ATP1A1: variants seen among roughly 807,000 people sequenced by gnomAD.
ATP1A1 encodes sodium/potassium-transporting ATPase subunit alpha-1.
In ATP1A1, 14 loss-of-function variants were observed where a neutral mutation model predicts 114.8. That is an observed-to-expected ratio of 0.12 (90% CI 0.08 to 0.19). ATP1A1 has a LOEUF of 0.19. ATP1A1 is among the 10% of genes least tolerant of loss of function. The probability of loss-of-function intolerance (pLI) is 1.00; values close to 1 mark genes in which losing one functional copy is unlikely to be tolerated. For missense variants in ATP1A1, 524 were observed against 1,290.7 expected (o/e 0.41, Z 9.10); for synonymous variants, 471 against 466.3 (o/e 1.01, Z -0.13).
chr1:116,373,591 G>T, intron 1 of ATP1A1, 68 bp downstream of exon 1: 1 of 1,335,862 alleles, frequency 7.5e-7, no homozygotes, highest in South Asian at 1.8e-5. Context: ...GAAGTCGGGA[G>T]GGCGACCGCG....
Position 116,404,347 on chromosome 1 carries a change from T to C in ATP1A1, c.3044-69T>C. 6.2e-7 allele frequency: 1 copy of C among 1,602,544 alleles called. No homozygotes were observed. The highest frequency in any genetic ancestry group is 8.5e-7 in the Non-Finnish European group (1 of 1,170,828). ...CCTCCGGTTGGTTTTCATCCCTGTT[T>C]CCCTCTGTAATGCTGGAGCGAGGAA... is the stretch of plus-strand genomic sequence containing the variant. On this transcript the variant is annotated intron_variant, in intron 22 of 22. Coordinates refer to ENST00000295598, the MANE Select transcript of ATP1A1 (RefSeq NM_000701.8). The surrounding 1 kb of genome is among the most constrained non-coding windows in gnomAD (Gnocchi z 4.8).
At chr1:116,378,787 A>C (rs1321473133) in intron 1 of ATP1A1, among the ~76,000 whole-genome samples, 1 of 152,156 alleles carries the variant, frequency 6.6e-6, no homozygotes, top group Non-Finnish European at 1.5e-5. Context: ...CTGGGAGTTG[A>C]TCTGGTCCTC....
At chr1:116,379,463 G>T (rs564699067) in intron 1 of ATP1A1, among the ~76,000 whole-genome samples, 1 of 152,258 alleles carries the variant, frequency 6.6e-6, no homozygotes, top group East Asian at 1.9e-4. Context: ...CCTCAACCCC[G>T]GCCATCCCTT....
rs1217693573 is a variant in ATP1A1 at position 116,388,562 on chromosome 1, A to G, written c.502-76A>G. On this transcript the variant is annotated intron_variant, in intron 5 of 22. Transcript: ENST00000295598. The surrounding 1 kb of genome is among the most constrained non-coding windows in gnomAD (Gnocchi z 5.6). Reference sequence around the variant, plus strand: ...TATTCAGGTAATTAGGATTATGACTATTTTTATTTTCTTGTTTTGGACACT... The same window carrying G: ...TATTCAGGTAATTAGGATTATGACTGTTTTTATTTTCTTGTTTTGGACACT... The G allele has an allele frequency of 1.3e-6, 2 of 1,504,254 alleles. No individual in the cohort carries two copies. Among genetic ancestry groups the G allele is most frequent in the East Asian group, 4.5e-5 (2 of 44,114 alleles). The allele number at this position is 1,504,254 out of a possible 1,614,324, so 93.2% of individuals were successfully genotyped here.
intron 1 of ATP1A1, chr1:116,373,855 G>A (rs1271650152): frequency 1.7e-5 from 21 of 1,259,828 alleles, no homozygotes; most frequent in Non-Finnish European, 2.0e-5. Flanking sequence ...GGGCCGGGAG[G>A]AGGGGGCTTG....
chr1:116,392,325 G>C (rs1249398561), intron 10 of ATP1A1: 2 of 152,316 alleles, frequency 1.3e-5, no homozygotes, highest in Non-Finnish European at 2.9e-5. Context: ...ATTTTGCACA[G>C]TTATGATTAG....
intron 14 of ATP1A1, 116 bp downstream of exon 14, chr1:116,396,850 T>G (rs1652971646): frequency 7.8e-7 from 1 of 1,284,494 alleles, no homozygotes; most frequent in South Asian, 2.0e-5. Context: ...GTAGGAAATG[T>G]ACCTGCACTG....
In ATP1A1 at chr1:116,389,104, T is replaced by G; in HGVS notation, c.754+85T>G. On this transcript the variant is annotated intron_variant, in intron 7 of 22. Transcript: ENST00000295598. The surrounding 1 kb of genome is among the most constrained non-coding windows in gnomAD (Gnocchi z 6.9). ...TCAAAACCATAGGCACAATCTCTTG[T>G]TTTATTGGCTCCATTTCTGAGAACT... The G allele has an allele frequency of 8.1e-7, 1 of 1,236,742 alleles. No individual in the cohort carries two copies. The highest frequency in any genetic ancestry group is 1.3e-5 in the South Asian group (1 of 77,580). The allele number at this position is 1,236,742 out of a possible 1,614,324, so 76.6% of individuals were successfully genotyped here.
intron 10 of ATP1A1, 115 bp from the exon 11 acceptor site, chr1:116,392,739 T>A: frequency 7.7e-7 from 1 of 1,304,708 alleles, no homozygotes; most frequent in Non-Finnish European, 1.0e-6. Flanking sequence ...TTCTTGCCCA[T>A]CCTCTGCTAC....
Position 116,388,489 on chromosome 1 carries a change from G to A in ATP1A1, c.502-149G>A. The A allele has an allele frequency of 8.3e-7, 1 of 1,204,198 alleles. No individual in the cohort carries two copies. Among genetic ancestry groups the A allele is most frequent in the Non-Finnish European group, 1.1e-6 (1 of 876,494 alleles). 74.6% of individuals were successfully genotyped at this position (1,204,198 alleles called of 1,614,324 possible). A position where few individuals can be genotyped will look rare whatever the true frequency, so the allele number is the denominator to read the frequency against. The stretch of plus-strand genomic sequence containing the variant: ...CAATATCTCTTAAACTGGCGAGCAA[G>A]CTTTTGTAACTTGTGTAAATAAAAA... On this transcript the variant is annotated intron_variant, in intron 5 of 22. Coordinates refer to ENST00000295598, the MANE Select transcript of ATP1A1 (RefSeq NM_000701.8). The surrounding 1 kb of genome is among the most constrained non-coding windows in gnomAD (Gnocchi z 5.6).
Position 116,404,607 on chromosome 1 carries a change from A to G in ATP1A1, c.*163A>G, listed in dbSNP as rs1028740691. ...GTCCTGGAATGAAGCATGTAGCTCT[A>G]TGGGGGGAGGGGGGAGGGCTGCCTG... On this transcript the variant is annotated 3_prime_UTR_variant, in exon 23 of 23. Coordinates refer to ENST00000295598, the MANE Select transcript of ATP1A1 (RefSeq NM_000701.8). This position sits in a 1 kb window ranked among gnomAD's most constrained non-coding sequence, Gnocchi z 4.8. 1.3e-5 allele frequency: 10 copies of G among 779,894 alleles called. No homozygotes were observed. Among genetic ancestry groups the G allele is most frequent in the South Asian group, 2.9e-5 (1 of 34,558 alleles). 48.3% of individuals were successfully genotyped at this position (779,894 alleles called of 1,614,324 possible).
chr1:116,404,352 CTG>C lies in ATP1A1; in HGVS notation c.3044-62_3044-61del. 6.2e-7 allele frequency: 1 copy of C among 1,605,804 alleles called. No individual in the cohort carries two copies. Among genetic ancestry groups the C allele is most frequent in the Non-Finnish European group, 8.5e-7 (1 of 1,173,554 alleles). ...GGTTGGTTTTCATCCCTGTTTCCCT[CTG>C]TAATGCTGGAGCGAGGAAGACTCAC... is the stretch of plus-strand genomic sequence containing the variant. On this transcript the variant is annotated intron_variant, in intron 22 of 22. Transcript: ENST00000295598. The surrounding 1 kb of genome is among the most constrained non-coding windows in gnomAD (Gnocchi z 4.8).
In ATP1A1 at chr1:116,393,686, C is replaced by T. The variant is rs750283399; in HGVS notation, c.1623C>T (p.Ala541=). ...AGCTGAAAGACGCCTTTCAGAACGCCTATTTGGAGCTGGGGGGCCTCGGAG... is the reference window on the plus strand; with the variant it reads ...AGCTGAAAGACGCCTTTCAGAACGCTTATTTGGAGCTGGGGGGCCTCGGAG... ...DEELKDAFQN[A]YLELGGLGER... Residue 541 remains alanine (A), a synonymous_variant, in exon 12 of 23, where the codon GCC becomes GCT. Transcript: ENST00000295598. The surrounding 1 kb of genome is among the most constrained non-coding windows in gnomAD (Gnocchi z 5.0). The T allele has an allele frequency of 3.1e-6, 5 of 1,613,794 alleles. No homozygotes were observed. The African/African-American group carries it at 6.7e-5, about 22-fold the overall frequency.
rs1474746003 is a variant in ATP1A1, at chr1:116,384,953, C to T, written c.183+111C>T. On this transcript the variant is annotated intron_variant, in intron 3 of 22. Coordinates refer to ENST00000295598, the MANE Select transcript of ATP1A1 (RefSeq NM_000701.8). This position sits in a 1 kb window ranked among gnomAD's most constrained non-coding sequence, Gnocchi z 5.1. ...GGGGCTCTAGTAAGAAAATGACAGA[C>T]ACCATCTGCGTATCTACCATGTGAC... The T allele has an allele frequency of 2.9e-6, 3 of 1,043,444 alleles. No homozygotes were observed. The South Asian group carries it at 4.0e-5, about 14-fold the overall frequency. 64.6% of individuals were successfully genotyped at this position (1,043,444 alleles called of 1,614,324 possible).
At position 116,373,451 on chromosome 1, in the gene ATP1A1, G is replaced by C; in HGVS notation, c.-61G>C. 1.3e-6 allele frequency: 2 copies of C among 1,507,986 alleles called. No individual in the cohort carries two copies. The highest frequency in any genetic ancestry group is 1.8e-6 in the Non-Finnish European group (2 of 1,127,798). The allele number at this position is 1,507,986 out of a possible 1,614,324, so 93.4% of individuals were successfully genotyped here. ...CGCTCGCTCGGCCGGGAGCTGCTCT[G>C]TGCTTTTCTCTCTGATTCTCCAGCG... On this transcript the variant is annotated 5_prime_UTR_variant, in exon 1 of 23. Transcript: ENST00000295598.
rs1224776943 is a variant in ATP1A1, at chr1:116,404,506, T to C, written c.*62T>C. 1.9e-6 allele frequency: 3 copies of C among 1,564,972 alleles called. No homozygotes were observed. Among genetic ancestry groups the C allele is most frequent in the Non-Finnish European group, 2.6e-6 (3 of 1,161,768 alleles). Reference sequence around the variant, plus strand: ...CACTCTGCATCCGACACCCACCCCCTCTTTGTGTACTTCAGTCTTGGAGTT... The same window carrying C: ...CACTCTGCATCCGACACCCACCCCCCCTTTGTGTACTTCAGTCTTGGAGTT... On this transcript the variant is annotated 3_prime_UTR_variant, in exon 23 of 23. Coordinates refer to ENST00000295598, the MANE Select transcript of ATP1A1 (RefSeq NM_000701.8). This position sits in a 1 kb window ranked among gnomAD's most constrained non-coding sequence, Gnocchi z 4.8.
intron 18 of ATP1A1, among the ~76,000 whole-genome samples, chr1:116,400,068 T>A (rs183167743): frequency 6.6e-6 from 1 of 152,344 alleles, no homozygotes; most frequent in East Asian, 1.9e-4. Context: ...ATCCAGGTGG[T>A]GGGCAATCAG....
rs949989050 is a variant in ATP1A1, at chr1:116,376,167, C to G, written c.12+2644C>G. On this transcript the variant is annotated intron_variant, in intron 1 of 22. Coordinates refer to ENST00000295598, the MANE Select transcript of ATP1A1 (RefSeq NM_000701.8). ...AAAAGATGAGGAGGGGGGGTCTCAC[C>G]AGGTCTTTCACTGCATTCCGGATTT... Among the ~76,000 whole-genome samples, 8 of 152,220 alleles carry G rather than the reference C, an allele frequency of 5.3e-5. No individual in the cohort carries two copies. In the South Asian group the frequency reaches 1.7e-3, roughly 32 times the overall value.
rs1041598144 is a variant in ATP1A1 at position 116,401,725 on chromosome 1, G to A, written c.2951+70G>A. Reference sequence around the variant, plus strand: ...TGTGGCTTTTCCCCCCATTACTTGTGGTAATAGTTGTTATTTTCAGAATTT... The same window carrying A: ...TGTGGCTTTTCCCCCCATTACTTGTAGTAATAGTTGTTATTTTCAGAATTT... On this transcript the variant is annotated intron_variant, in intron 21 of 22. Transcript: ENST00000295598. This position sits in a 1 kb window ranked among gnomAD's most constrained non-coding sequence, Gnocchi z 4.7. 2.5e-5 allele frequency: 37 copies of A among 1,454,600 alleles called. No individual in the cohort carries two copies. Among genetic ancestry groups the A allele is most frequent in the Non-Finnish European group, 3.3e-5 (35 of 1,048,698 alleles). The allele number at this position is 1,454,600 out of a possible 1,614,324, so 90.1% of individuals were successfully genotyped here.
Sources: allele counts gnomAD v4.1 joint callset (sites outside exome capture counted in the v4.1 genomes callset), GRCh38; gene constraint gnomAD v4.1.1; non-coding constraint Gnocchi (gnomAD v3.1); transcripts MANE v1.5; gene names NCBI Gene and HGNC (gene_info 2026-07-23, HGNC 2026-07-21).